The following CRYM variants were observed in gnomAD, a reference collection of about 807,000 sequenced individuals.
CRYM encodes the protein crystallin mu, also known as ketimine reductase mu-crystallin.
Under a neutral mutation model 32.9 loss-of-function variants are expected in CRYM, and 18 were observed. The observed-to-expected ratio is 0.55, with a 90% CI of 0.38 to 0.81. The LOEUF is 0.81. Ranked by LOEUF, CRYM falls within the 30% of genes least tolerant of loss-of-function variation. The pLI, the probability that CRYM is intolerant of heterozygous loss-of-function variation, is 0.00. For synonymous variants in CRYM, 153 were observed against 152.4 expected, an observed-to-expected ratio of 1.00 and a Z score of -0.03; for missense variants, 337 against 393.5, an observed-to-expected ratio of 0.86 and a Z score of 1.21.
chr16:21,300,722 C>A (rs1386626679), intron 1 of CRYM: 1 of 152,182 alleles, frequency 6.6e-6, no homozygotes, highest in Non-Finnish European at 1.5e-5. Context: ...GTTCCTCTTG[C>A]GCCCTCTCCT....
At chr16:21,279,336 A>T (rs188613707), upstream of CRYM, among the ~76,000 whole-genome samples, 1 of 152,348 alleles carries the variant, frequency 6.6e-6, no homozygotes, top group African/African-American at 2.4e-5. Context: ...CCACCAAGTC[A>T]GCAGAGGAGC....
chr16:21,273,642 G>C (rs1333003599), intron 3 of CRYM, among the ~76,000 whole-genome samples: 1 of 152,180 alleles, frequency 6.6e-6, no homozygotes, highest in African/African-American at 2.4e-5. Flanking sequence ...TCTGGGACAA[G>C]ACCATGTGGC....
Position 21,269,906 on chromosome 16 carries a change from T to C in CRYM, c.388-15A>G. ...GGTTTCAGAAACTATATGAGAGAAA[T>C]GAAGTGGCAAAGGTCAAGGGAGACC... On this transcript the variant is annotated splice_polypyrimidine_tract_variant and intron_variant, in intron 3 of 7. Transcript: ENST00000572914. The C allele has an allele frequency of 1.3e-6, 2 of 1,591,520 alleles. No homozygotes were observed. The highest frequency in any genetic ancestry group is 1.7e-6 in the Non-Finnish European group (2 of 1,159,882).
At chr16:21,300,913 C>G (rs990049947) in intron 1 of CRYM, 1 of 152,560 alleles carries the variant, frequency 6.6e-6, no homozygotes, top group East Asian at 1.9e-4. Flanking sequence ...ATGAGAAATA[C>G]ACGGAGGTGG....
At chr16:21,272,739 T>G (rs1442225221) in intron 3 of CRYM, among the ~76,000 whole-genome samples, 1 of 148,042 alleles carries the variant, frequency 6.8e-6, no homozygotes, top group Non-Finnish European at 1.5e-5. Context: ...AACCTCCGCC[T>G]CCAGGATTCA....
chr16:21,299,525 G>T (rs1960857357), intron 1 of CRYM, among the ~76,000 whole-genome samples: 1 of 152,132 alleles, frequency 6.6e-6, no homozygotes, highest in African/African-American at 2.4e-5. Context: ...GGCCAGGCTG[G>T]TCCCAAACTC....
At chr16:21,295,526 A>G (rs1475893715) in intron 1 of CRYM, among the ~76,000 whole-genome samples, 2 of 152,156 alleles carry the variant, frequency 1.3e-5, no homozygotes, top group African/African-American at 4.8e-5. Flanking sequence ...GTTTTGGAAT[A>G]GGTAGTTCTT....
intron 3 of CRYM, among the ~76,000 whole-genome samples, chr16:21,272,025 A>ATTT (rs775866723): frequency 7.5e-6 from 1 of 133,792 alleles, no homozygotes; most frequent in African/African-American, 2.8e-5. Flanking sequence ...TACTTGGCTA[A>ATTT]TTTTTTTTTT....
chr16:21,283,941 G>C (rs2093402972), intron 1 of CRYM: 1 of 152,894 alleles, frequency 6.5e-6, no homozygotes, highest in Non-Finnish European at 1.5e-5. Context: ...CCCCGCAGCG[G>C]CGGAGGCGGC....
At chr16:21,286,808 AGGCC>A (rs2093408052) in intron 1 of CRYM, among the ~76,000 whole-genome samples, 1 of 152,116 alleles carries the variant, frequency 6.6e-6, no homozygotes, top group Admixed American at 6.5e-5. Flanking sequence ...ACTTAATTTT[AGGCC>A]GGGCGCAGTG....
chr16:21,278,085 C>A lies in CRYM; in HGVS notation c.167G>T (p.Arg56Met). 6.5e-7 allele frequency: 1 copy of A among 1,545,296 alleles called. No homozygotes were observed. Among genetic ancestry groups the A allele is most frequent in the Non-Finnish European group, 8.7e-7 (1 of 1,146,934 alleles). The change falls in exon 1 of 8, where the codon AGG (arginine) becomes ATG (methionine). Residue 56 changes from arginine (R) to methionine (M), a missense_variant. Arg to Met is a moderately conservative substitution (Grantham distance 91). Coordinates refer to ENST00000572914, the MANE Select transcript of CRYM (RefSeq NM_001376256.1). Reference sequence around the variant, plus strand: ...GACCCCGACCCTCCTCACTCACCCCCTGTGCTTGGTCACCGGCACCACGGT... The same window carrying A: ...GACCCCGACCCTCCTCACTCACCCCATGTGCTTGGTCACCGGCACCACGGT... ...VRTVVPVTKH[R>M]GYLGVMPAYS... is the part of the protein sequence containing the mutation.
At chr16:21,273,263 C>T (rs2093379847) in intron 3 of CRYM, among the ~76,000 whole-genome samples, 1 of 152,052 alleles carries the variant, frequency 6.6e-6, no homozygotes, top group African/African-American at 2.4e-5. Context: ...AACAAGAGCC[C>T]TAAATAGAAG....
chr16:21,270,418 G>T (rs1419350199), intron 3 of CRYM, among the ~76,000 whole-genome samples: 2 of 151,864 alleles, frequency 1.3e-5, no homozygotes, highest in Non-Finnish European at 2.9e-5. Flanking sequence ...CGTGGAGCTG[G>T]GATTATAGGT....
chr16:21,302,070 A>G (rs1460724917), intron 1 of CRYM, among the ~76,000 whole-genome samples: 1 of 152,138 alleles, frequency 6.6e-6, no homozygotes, highest in African/African-American at 2.4e-5. Flanking sequence ...TCCCCCCGCC[A>G]ACACACACAC....
upstream of CRYM, among the ~76,000 whole-genome samples, chr16:21,280,668 T>TA: frequency 6.6e-6 from 1 of 152,218 alleles, no homozygotes; most frequent in Non-Finnish European, 1.5e-5. Flanking sequence ...CAGGAAGGGT[T>TA]AAGTCACGCA....
At chr16:21,263,556 G>GA (rs1810752465) in intron 5 of CRYM, among the ~76,000 whole-genome samples, 1 of 151,666 alleles carries the variant, frequency 6.6e-6, no homozygotes, top group Non-Finnish European at 1.5e-5. Flanking sequence ...CATGACAAAA[G>GA]AAAAAAAACA....
At chr16:21,265,283 C>T (rs749471924) in intron 5 of CRYM, among the ~76,000 whole-genome samples, 3 of 152,150 alleles carry the variant, frequency 2.0e-5, no homozygotes, top group Non-Finnish European at 2.9e-5. Flanking sequence ...ACGCCATGTT[C>T]GCTTCCACAC....
intron 4 of CRYM, chr16:21,268,581 G>A (rs1007354799): frequency 6.6e-6 from 1 of 152,178 alleles, no homozygotes; most frequent in Non-Finnish European, 1.5e-5. Context: ...AGTTCACCAA[G>A]CAAGGTGAAA....
chr16:21,301,056 C>G (rs1454443652), intron 1 of CRYM: 2 of 152,378 alleles, frequency 1.3e-5, no homozygotes. Flanking sequence ...GTACAGCGCG[C>G]GTGGCGCGGG....
Sources: allele counts gnomAD v4.1 joint callset (sites outside exome capture counted in the v4.1 genomes callset), GRCh38; gene constraint gnomAD v4.1.1; transcripts MANE v1.5; gene names NCBI Gene and HGNC (gene_info 2026-07-23, HGNC 2026-07-21).